Variants in MID1 observed in about 807,000 individuals in gnomAD.
MID1 encodes the protein E3 ubiquitin-protein ligase Midline-1.
Under a neutral mutation model 40.4 loss-of-function variants are expected in MID1, and 7 were observed. That is an observed-to-expected ratio of 0.17 (90% CI 0.10 to 0.33). The LOEUF (loss-of-function observed/expected upper bound fraction) is 0.33. Among genes scored for constraint, MID1 ranks in the 10% least tolerant of loss-of-function variants. The probability of loss-of-function intolerance (pLI) is 1.00; values close to 1 mark genes in which losing one functional copy is unlikely to be tolerated. For synonymous variants in MID1, 229 were observed against 221.2 expected (o/e 1.04, Z -0.31); for missense variants, 367 against 558.5 (o/e 0.66, Z 3.46).
In MID1 at chrX:10,757,933, ATCAATTGGTC is replaced by A. The variant is rs1260508865; in HGVS notation, c.-187+75611_-187+75620del. Reference sequence around the variant, plus strand: ...ATGGTTTTAAACCATATTAATGTACATCAATTGGTCTCATAAGTCACTTTATTTATTTATT... The same window carrying A: ...ATGGTTTTAAACCATATTAATGTACATCATAAGTCACTTTATTTATTTATT... On this transcript the variant is annotated intron_variant, in intron 1 of 10. Transcript: ENST00000380785. Among the ~76,000 whole-genome samples, 10 of 109,700 alleles carry A rather than the reference ATCAATTGGTC, an allele frequency of 9.1e-5. No individual in the cohort carries two copies. The Admixed American group carries it at 9.7e-4, about 11-fold the overall frequency.
intron 1 of MID1, among the ~76,000 whole-genome samples, chrX:10,650,768 C>T (rs1025553589): frequency 9.0e-6 from 1 of 111,620 alleles, no homozygotes; most frequent in Non-Finnish European, 1.9e-5. Context: ...GGTAGTAATA[C>T]CTTTATATGG....
intron 1 of MID1, among the ~76,000 whole-genome samples, chrX:10,664,837 G>C (rs2042939530): frequency 8.9e-6 from 1 of 112,139 alleles, no homozygotes; most frequent in Non-Finnish European, 1.9e-5. Context: ...AAAAGTGGGA[G>C]AGTGTATTTG....
chrX:10,782,858 C>T (rs1234570593), intron 1 of MID1, among the ~76,000 whole-genome samples: 1 of 111,661 alleles, frequency 9.0e-6, no homozygotes, highest in Non-Finnish European at 1.9e-5. Flanking sequence ...CCGGCAGCAT[C>T]AACATCACTT....
chrX:10,470,281 T>C (rs1434842789), intron 6 of MID1, among the ~76,000 whole-genome samples: 1 of 112,044 alleles, frequency 8.9e-6, no homozygotes, highest in Non-Finnish European at 1.9e-5. Context: ...TCTGCCATTG[T>C]AGCATGAAAA....
intron 1 of MID1, among the ~76,000 whole-genome samples, chrX:10,779,059 T>G (rs2043827165): frequency 8.9e-6 from 1 of 112,759 alleles, no homozygotes; most frequent in Admixed American, 9.3e-5. Context: ...GTTATCACCT[T>G]CCATCTAGTT....
At chrX:10,664,142 G>A (rs1219744084) in intron 1 of MID1, among the ~76,000 whole-genome samples, 1 of 104,074 alleles carries the variant, frequency 9.6e-6, no homozygotes, top group Non-Finnish European at 1.9e-5. Context: ...TGCTTGTTTT[G>A]TGTGTGTATC....
intron 1 of MID1, among the ~76,000 whole-genome samples, chrX:10,805,825 T>C (rs1490987157): frequency 0.027 from 2,933 of 107,460 alleles, 120 homozygotes; most frequent in African/African-American, 0.095. Context: ...TGGCCAGTGA[T>C]GGTGAGCATT....
Position 10,823,069 on chromosome X carries a change from A to G in MID1, c.-187+10485T>C, listed in dbSNP as rs186508191. Among the ~76,000 whole-genome samples the G allele has an allele frequency of 5.4e-5, 6 of 111,965 alleles. No homozygotes were observed. The East Asian group carries it at 1.7e-3, about 32-fold the overall frequency. On this transcript the variant is annotated intron_variant, in intron 1 of 10. Coordinates refer to the MID1 transcript ENST00000380785. Reference sequence around the variant, plus strand: ...TCACAATAGCAAAGACATGGAATCAACCCAAATGCCCATCAATGATAGACT... The same window carrying G: ...TCACAATAGCAAAGACATGGAATCAGCCCAAATGCCCATCAATGATAGACT...
chrX:10,773,584 T>C (rs1291652853), intron 1 of MID1, among the ~76,000 whole-genome samples: 1 of 112,717 alleles, frequency 8.9e-6, no homozygotes, highest in East Asian at 2.8e-4. Flanking sequence ...TCTGCTGTTG[T>C]GCAGCTGATC....
At chrX:10,684,350 T>G (rs1364944097) in intron 1 of MID1, among the ~76,000 whole-genome samples, 1 of 106,478 alleles carries the variant, frequency 9.4e-6, no homozygotes, top group Non-Finnish European at 2.0e-5. Context: ...TTGCTTGCTT[T>G]CTCTCTTTCT....
At chrX:10,571,510 A>G (rs1442336644) in intron 1 of MID1, among the ~76,000 whole-genome samples, 1 of 89,130 alleles carries the variant, frequency 1.1e-5, no homozygotes, top group Non-Finnish European at 2.2e-5. Context: ...TTTTTTTGCC[A>G]TTCATTCTTT....
At chrX:10,687,123 G>A (rs115652458) in intron 1 of MID1, among the ~76,000 whole-genome samples, 126 of 111,649 alleles carry the variant, frequency 1.1e-3, no homozygotes, top group African/African-American at 3.5e-3. Context: ...TTGCAGCTCC[G>A]GTGTTTTACA....
chrX:10,542,400 G>A (rs1003138653), intron 2 of MID1, among the ~76,000 whole-genome samples: 2 of 111,664 alleles, frequency 1.8e-5, no homozygotes, highest in Non-Finnish European at 1.9e-5. Flanking sequence ...TATAGTTCAC[G>A]ACTTAGCAAG....
At chrX:10,771,970 T>C (rs1411269566) in intron 1 of MID1, among the ~76,000 whole-genome samples, 2 of 110,912 alleles carry the variant, frequency 1.8e-5, no homozygotes, top group Non-Finnish European at 3.8e-5. Context: ...GAACTACCAT[T>C]TGATCCAGCA....
chrX:10,606,047 ATCCAAATCT>A (rs919701609), intron 1 of MID1, among the ~76,000 whole-genome samples: 4 of 111,965 alleles, frequency 3.6e-5, no homozygotes, highest in African/African-American at 1.3e-4. Flanking sequence ...GATAACTACT[ATCCAAATCT>A]TCCAAATGTA....
chrX:10,761,218 ATCCCATGTTCAGC>A (rs778766889), intron 1 of MID1, among the ~76,000 whole-genome samples: 1 of 109,875 alleles, frequency 9.1e-6, no homozygotes, highest in African/African-American at 3.4e-5. Flanking sequence ...AACTATGTAG[ATCCCATGTTCAGC>A]TCCTTCATTT....
intron 1 of MID1, among the ~76,000 whole-genome samples, chrX:10,651,108 G>A (rs1199445268): frequency 1.8e-5 from 2 of 111,703 alleles, no homozygotes; most frequent in Admixed American, 9.5e-5. Context: ...GGCTCTTTTC[G>A]CAGATCTTGG....
At position 10,495,668 on chromosome X, in the gene MID1, G is replaced by A; in HGVS notation, c.780C>T (p.Ala260=). 4 of 1,207,494 alleles carry A rather than the reference G, an allele frequency of 3.3e-6. No individual in the cohort carries two copies. Among genetic ancestry groups the A allele is most frequent in the Non-Finnish European group, 4.5e-6 (4 of 891,940 alleles). Residue 260 remains alanine (A), a synonymous_variant, in exon 4 of 10, where the codon GCC becomes GCT. Transcript: ENST00000317552. ...HVEVNASRQE[A]KLTEECDLLI... is the part of the protein sequence containing the mutation. ...GAAGATCACACTCCTCTGTCAATTTGGCTTCTTGACGTGATGCATTGACCT... is the reference window on the plus strand; with the variant it reads ...GAAGATCACACTCCTCTGTCAATTTAGCTTCTTGACGTGATGCATTGACCT...
At chrX:10,602,541 G>A (rs1569124279) in intron 1 of MID1, among the ~76,000 whole-genome samples, 1 of 111,010 alleles carries the variant, frequency 9.0e-6, no homozygotes, top group Admixed American at 9.6e-5. Flanking sequence ...TGCCTCTTCT[G>A]GACATTTAAT....
Sources: gnomAD v4.1 joint callset for allele counts (sites outside exome capture counted in the v4.1 genomes callset) on GRCh38, gnomAD v4.1.1 for gene constraint, MANE v1.5 for transcripts, NCBI Gene and HGNC (gene_info 2026-07-23, HGNC 2026-07-21) for gene names.